The following HPSE2 variants were observed in gnomAD, a reference collection of about 807,000 sequenced individuals.
The protein encoded by HPSE2 is heparanase 2 (inactive).
HPSE2 carries 38 observed loss-of-function variants against 60.5 expected under a neutral mutation model. The ratio of observed to expected loss-of-function variants is 0.63; its 90% CI spans 0.48 to 0.82. HPSE2 has a LOEUF of 0.82. HPSE2 is among the 40% of genes least tolerant of loss of function. HPSE2 has a pLI of 0.00. For missense variants in HPSE2, 713 were observed against 740.4 expected (o/e 0.96, Z 0.43); for synonymous variants, 295 against 293.2 (o/e 1.01, Z -0.06).
At chr10:98,834,050 T>G (rs949812128) in intron 3 of HPSE2, among the ~76,000 whole-genome samples, 1 of 152,066 alleles carries the variant, frequency 6.6e-6, no homozygotes, top group East Asian at 1.9e-4. Context: ...TCATTTTACA[T>G]ATCACTAAGA....
At chr10:98,754,478 GT>G (rs1949833048) in intron 3 of HPSE2, among the ~76,000 whole-genome samples, 1 of 151,724 alleles carries the variant, frequency 6.6e-6, no homozygotes, top group African/African-American at 2.4e-5. Flanking sequence ...TCACTATAGA[GT>G]TTGACATTTA....
intron 2 of HPSE2, among the ~76,000 whole-genome samples, chr10:99,174,863 G>A (rs925290559): frequency 1.3e-5 from 2 of 152,206 alleles, no homozygotes; most frequent in African/African-American, 4.8e-5. Context: ...GTAGCTCCCA[G>A]TGACATCAAC....
chr10:98,837,378 T>C (rs953622958), intron 3 of HPSE2, among the ~76,000 whole-genome samples: 4 of 152,162 alleles, frequency 2.6e-5, no homozygotes, highest in Non-Finnish European at 5.9e-5. Flanking sequence ...GGTAGAAAAA[T>C]GACAGTTGTC....
intron 3 of HPSE2, among the ~76,000 whole-genome samples, chr10:99,136,645 G>A (rs1160726229): frequency 6.6e-6 from 1 of 152,098 alleles, no homozygotes; most frequent in Non-Finnish European, 1.5e-5. Context: ...AAAACCACAT[G>A]ATTATCTCAA....
intron 4 of HPSE2, among the ~76,000 whole-genome samples, chr10:98,724,047 T>C (rs1949002064): frequency 6.6e-6 from 1 of 152,208 alleles, no homozygotes; most frequent in Non-Finnish European, 1.5e-5. Flanking sequence ...GTTCTTTTAA[T>C]TGGGATGTTA....
At chr10:99,220,092 A>T (rs1847549626) in intron 2 of HPSE2, among the ~76,000 whole-genome samples, 1 of 152,226 alleles carries the variant, frequency 6.6e-6, no homozygotes. Flanking sequence ...ATTAAAGGAT[A>T]TCATATTTTG....
chr10:99,129,257 G>T (rs1282110191), intron 3 of HPSE2, among the ~76,000 whole-genome samples: 1 of 152,038 alleles, frequency 6.6e-6, no homozygotes, highest in East Asian at 1.9e-4. Flanking sequence ...AGAAACAAGG[G>T]ACTTAAACTA....
chr10:98,546,499 G>T (rs1398335922), intron 9 of HPSE2, among the ~76,000 whole-genome samples: 1 of 151,212 alleles, frequency 6.6e-6, no homozygotes, highest in Non-Finnish European at 1.5e-5. Flanking sequence ...AAATAACGCC[G>T]CATACCTACA....
intron 5 of HPSE2, among the ~76,000 whole-genome samples, chr10:98,706,732 C>T (rs1435973982): frequency 6.6e-6 from 1 of 152,086 alleles, no homozygotes; most frequent in African/African-American, 2.4e-5. Context: ...GAGCTGTTCA[C>T]AGAAGTCCAG....
intron 3 of HPSE2, among the ~76,000 whole-genome samples, chr10:99,010,697 T>G (rs1210315977): frequency 1.3e-5 from 2 of 152,290 alleles, no homozygotes; most frequent in Non-Finnish European, 2.9e-5. Flanking sequence ...TGAGAAGCCA[T>G]CTAACTCTAA....
intron 3 of HPSE2, among the ~76,000 whole-genome samples, chr10:98,821,573 C>T (rs1433751069): frequency 1.3e-5 from 2 of 152,096 alleles, no homozygotes; most frequent in African/African-American, 2.4e-5. Flanking sequence ...GCCCAACAAG[C>T]AGAACTTTAT....
chr10:98,898,488 C>T (rs11189860), intron 3 of HPSE2, among the ~76,000 whole-genome samples: 2,347 of 152,070 alleles, frequency 0.015, 61 homozygotes, highest in African/African-American at 0.053. Context: ...GGGTATGGTA[C>T]GGTATGATTC....
chr10:98,882,224 A>T (rs1262362943), intron 3 of HPSE2, among the ~76,000 whole-genome samples: 2 of 152,044 alleles, frequency 1.3e-5, no homozygotes, highest in East Asian at 3.9e-4. Flanking sequence ...AGCCAAGATC[A>T]TTCTAGATCA....
At chr10:98,773,949 G>C (rs891563500) in intron 3 of HPSE2, among the ~76,000 whole-genome samples, 1 of 152,008 alleles carries the variant, frequency 6.6e-6, no homozygotes, top group Non-Finnish European at 1.5e-5. Flanking sequence ...TCCACCTACT[G>C]GGGGGCTGAG....
chr10:98,466,047 GT>G, intron 11 of HPSE2, among the ~76,000 whole-genome samples: 2 of 152,164 alleles, frequency 1.3e-5, no homozygotes, highest in Admixed American at 1.3e-4. Context: ...CCGCCCACCT[GT>G]CTACAGTCTC....
chr10:98,911,932 C>T (rs1953990107), intron 3 of HPSE2, among the ~76,000 whole-genome samples: 1 of 152,180 alleles, frequency 6.6e-6, no homozygotes, highest in Non-Finnish European at 1.5e-5. Context: ...AAACAATCTC[C>T]TCATACCTGT....
intron 3 of HPSE2, among the ~76,000 whole-genome samples, chr10:99,133,107 A>G (rs981652149): frequency 6.6e-6 from 1 of 152,190 alleles, no homozygotes; most frequent in Non-Finnish European, 1.5e-5. Context: ...TTATGCTCAC[A>G]ATGTAAACAA....
the HPSE2 span, among the ~76,000 whole-genome samples, chr10:99,244,960 T>G: frequency 6.6e-6 from 1 of 152,102 alleles, no homozygotes; most frequent in Admixed American, 6.6e-5. Flanking sequence ...ATATTAAACC[T>G]TATCAGCCCT....
At chr10:98,789,983 C>T (rs1950621119) in intron 3 of HPSE2, among the ~76,000 whole-genome samples, 1 of 151,804 alleles carries the variant, frequency 6.6e-6, no homozygotes, top group Non-Finnish European at 1.5e-5. Context: ...GTTTATTTGT[C>T]AGCTCTACTA....
Sources: gnomAD v4.1 joint callset for allele counts (sites outside exome capture counted in the v4.1 genomes callset) on GRCh38, gnomAD v4.1.1 for gene constraint, MANE v1.5 for transcripts, NCBI Gene and HGNC (gene_info 2026-07-23, HGNC 2026-07-21) for gene names.